Variants in UBALD1 observed in about 807,000 individuals in gnomAD.
The protein encoded by UBALD1 is UBA-like domain-containing protein 1.
UBALD1 carries 5 observed loss-of-function variants against 16.1 expected under a neutral mutation model. The ratio of observed to expected loss-of-function variants is 0.31; its 90% confidence interval spans 0.16 to 0.66. The LOEUF (loss-of-function observed/expected upper bound fraction) is 0.66, where lower values mean the gene tolerates loss of function less well. Among genes scored for constraint, UBALD1 ranks in the 30% least tolerant of loss-of-function variants. The pLI, the probability that UBALD1 is intolerant of heterozygous loss-of-function variation, is 0.77. For synonymous variants in UBALD1, 146 were observed against 105.3 expected, an observed-to-expected ratio of 1.39 and a Z score of -2.37; for missense variants, 220 against 252.8, an observed-to-expected ratio of 0.87 and a Z score of 0.88.
At chr16:4,613,808 G>A (rs1897387012) in intron 1 of UBALD1, among the ~76,000 whole-genome samples, 1 of 152,140 alleles carries the variant, frequency 6.6e-6, no homozygotes, top group African/African-American at 2.4e-5. Context: ...CCGGGGGAGT[G>A]GGTGCCAGAC....
rs1897327357 is a variant in UBALD1 at position 4,609,337 on chromosome 16, C to G, written c.*296G>C. 1 of 308,048 alleles carries G rather than the reference C, an allele frequency of 3.2e-6. No homozygotes were observed. Among genetic ancestry groups the G allele is most frequent in the East Asian group, 5.2e-5 (1 of 19,238 alleles). 19.1% of individuals were successfully genotyped at this position (308,048 alleles called of 1,614,324 possible). A position where few individuals can be genotyped will look rare whatever the true frequency, so the allele number is the denominator to read the frequency against. ...TCCTCCACGGCACCCCTGGGCTGGG[C>G]TGGGCAGGTGCGTCTTCGAAGGAAG... is the stretch of plus-strand genomic sequence containing the variant. On this transcript the variant is annotated 3_prime_UTR_variant, in exon 3 of 3. Coordinates refer to ENST00000283474, the MANE Select transcript of UBALD1 (RefSeq NM_145253.3).
chr16:4,609,729 T>G lies in UBALD1; in HGVS notation c.438A>C (p.Pro146=). ...HHQPQPPLWT[P]TPPSPASDWP... ...AGTCTGAAGCCGGAGAAGGGGGTGT[T>G]GGAGTCCACAGGGGCGGCTGTGGCT... Residue 146 remains proline, a synonymous_variant, in exon 3 of 3, where the codon CCA becomes CCC. Transcript: ENST00000283474. 1 of 1,492,136 alleles carries G rather than the reference T, an allele frequency of 6.7e-7. No homozygotes were observed. The highest frequency in any genetic ancestry group is 8.9e-7 in the Non-Finnish European group (1 of 1,123,802). The allele number at this position is 1,492,136 out of a possible 1,614,324, so 92.4% of individuals were successfully genotyped here.
chr16:4,610,372 A>T (rs1247368176), intron 2 of UBALD1, 121 bp downstream of exon 2: 2 of 1,091,014 alleles, frequency 1.8e-6, no homozygotes, highest in African/African-American at 3.1e-5. Context: ...CCCATCTCCA[A>T]AGAGGTCGAG....
chr16:4,614,254 C>A (rs2141788121), intron 1 of UBALD1: 1 of 349,154 alleles, frequency 2.9e-6, no homozygotes, highest in Non-Finnish European at 5.2e-6. Context: ...CGACCGCCCA[C>A]CAGGCACGCG....
At chr16:4,610,405 G>A (rs893991706) in intron 2 of UBALD1, 88 bp downstream of exon 2, 17 of 1,441,330 alleles carry the variant, frequency 1.2e-5, no homozygotes, top group African/African-American at 1.4e-5. Flanking sequence ...CAGCGCCCTC[G>A]TACACCGGGG....
chr16:4,614,420 T>G (rs1440086536), intron 1 of UBALD1: 10 of 406,048 alleles, frequency 2.5e-5, no homozygotes, highest in Non-Finnish European at 3.8e-5. Context: ...GTGGGGGGGG[T>G]CCCCGTCTCG....
At chr16:4,610,929 G>C (rs112677338) in intron 1 of UBALD1, 3 of 414,528 alleles carry the variant, frequency 7.2e-6, no homozygotes, top group African/African-American at 6.1e-5. Context: ...AGCCCAACCA[G>C]ACCTCCCCAC....
intron 1 of UBALD1, among the ~76,000 whole-genome samples, chr16:4,611,705 C>G (rs1226447785): frequency 6.6e-6 from 1 of 152,168 alleles, no homozygotes; most frequent in Non-Finnish European, 1.5e-5. Context: ...TCAGCAGGCT[C>G]CAGAGGTCCT....
chr16:4,609,757 T>C lies in UBALD1; in HGVS notation c.410A>G (p.His137Arg), dbSNP rs764255470. 3.3e-6 allele frequency: 5 copies of C among 1,497,526 alleles called. No individual in the cohort carries two copies. Among genetic ancestry groups the C allele is most frequent in the Non-Finnish European group, 3.5e-6 (4 of 1,127,594 alleles). 92.8% of individuals were successfully genotyped at this position (1,497,526 alleles called of 1,614,324 possible). A position where few individuals can be genotyped will look rare whatever the true frequency, so the allele number is the denominator to read the frequency against. Residue 137 changes from histidine to arginine, a missense_variant, in exon 3 of 3, where the codon CAC (histidine) becomes CGC (arginine). His to Arg is a conservative substitution (Grantham distance 29). Transcript: ENST00000283474. ...AASPPGGPQH[H>R]QPQPPLWTPT... ...AGTCCACAGGGGCGGCTGTGGCTGG[T>C]GGTGCTGTGGGCCCCCCGGGGGCGA...
At chr16:4,612,055 C>G (rs1389735320) in intron 1 of UBALD1, among the ~76,000 whole-genome samples, 3 of 145,358 alleles carry the variant, frequency 2.1e-5, no homozygotes, top group Non-Finnish European at 4.5e-5. Context: ...GGGTGGGAGG[C>G]TATTTAGATT....
intron 1 of UBALD1, chr16:4,614,184 C>T: frequency 3.8e-6 from 1 of 262,560 alleles, no homozygotes. Flanking sequence ...GGTGCCCGGC[C>T]GACGCCGTGG....
At chr16:4,614,417 G>GT in intron 1 of UBALD1, 1 of 445,218 alleles carries the variant, frequency 2.2e-6, no homozygotes, top group Non-Finnish European at 3.8e-6. Context: ...GGGGTGGGGG[G>GT]GGTCCCCGTC....
chr16:4,614,430 G>T, intron 1 of UBALD1: 1 of 483,012 alleles, frequency 2.1e-6, no homozygotes, highest in Non-Finnish European at 3.4e-6. Context: ...TCCCCGTCTC[G>T]ATCCCGGGGG....
intron 2 of UBALD1, 176 bp from the exon 3 acceptor site, chr16:4,610,159 C>A: frequency 1.4e-6 from 1 of 729,926 alleles, no homozygotes; most frequent in Non-Finnish European, 2.4e-6. Context: ...TGAGATGAAC[C>A]GACCCAGCCT....
chr16:4,614,445 G>T, intron 1 of UBALD1: 1 of 545,292 alleles, frequency 1.8e-6, no homozygotes, highest in Non-Finnish European at 2.9e-6. Flanking sequence ...CGGGGGACTC[G>T]CGGCCCCGCG....
intron 1 of UBALD1, chr16:4,611,082 G>T (rs976937778): frequency 5.8e-5 from 11 of 190,772 alleles, no homozygotes; most frequent in Middle Eastern, 2.0e-3. Flanking sequence ...GGGATCCCCT[G>T]CTGCCCCACC....
chr16:4,613,336 G>A (rs1300902276), intron 1 of UBALD1, among the ~76,000 whole-genome samples: 3 of 152,148 alleles, frequency 2.0e-5, no homozygotes, highest in African/African-American at 7.2e-5. Flanking sequence ...AAGGCCAGAG[G>A]GACAGAGCAG....
At chr16:4,613,434 T>C (rs1247023627) in intron 1 of UBALD1, among the ~76,000 whole-genome samples, 1 of 152,152 alleles carries the variant, frequency 6.6e-6, no homozygotes, top group African/African-American at 2.4e-5. Context: ...GAGAGGGATG[T>C]ACTCATCTGG....
rs1162678279 is a variant in UBALD1, at chr16:4,614,822, G to A, written c.-25C>T. The A allele has an allele frequency of 1.4e-6, 2 of 1,478,142 alleles. No homozygotes were observed. Among genetic ancestry groups the A allele is most frequent in the Non-Finnish European group, 1.8e-6 (2 of 1,115,464 alleles). 91.6% of individuals were successfully genotyped at this position (1,478,142 alleles called of 1,614,324 possible). A position where few individuals can be genotyped will look rare whatever the true frequency, so the allele number is the denominator to read the frequency against. On this transcript the variant is annotated 5_prime_UTR_variant, in exon 1 of 3. Coordinates refer to ENST00000283474, the MANE Select transcript of UBALD1 (RefSeq NM_145253.3). ...TGGCGCCGCCGCGCTGCCCGCTCCG[G>A]CCTCCCTCCTCCGCCCGCGCCTCCG...
Sources: gnomAD v4.1 joint callset for allele counts (sites outside exome capture counted in the v4.1 genomes callset) on GRCh38, gnomAD v4.1.1 for gene constraint, MANE v1.5 for transcripts, NCBI Gene and HGNC (gene_info 2026-07-23, HGNC 2026-07-21) for gene names.